VDAC1: variants seen among roughly 807,000 people sequenced by gnomAD.
VDAC1 encodes non-selective voltage-gated ion channel VDAC1.
Under a neutral mutation model 34.7 loss-of-function variants are expected in VDAC1, and 10 were observed. The ratio of observed to expected loss-of-function variants is 0.29; its 90% CI spans 0.18 to 0.49. The LOEUF is 0.49. VDAC1 is among the 20% of genes least tolerant of loss of function. The probability of loss-of-function intolerance (pLI) is 0.99; values close to 1 mark genes in which losing one functional copy is unlikely to be tolerated. For missense variants in VDAC1, 230 were observed against 347.9 expected, an observed-to-expected ratio of 0.66 and a Z score of 2.69; for synonymous variants, 130 against 136.0, an observed-to-expected ratio of 0.96 and a Z score of 0.30.
chr5:134,025,813 C>A, the VDAC1 span, among the ~76,000 whole-genome samples: 1 of 151,956 alleles, frequency 6.6e-6, no homozygotes, highest in Non-Finnish European at 1.5e-5. Flanking sequence ...CTAGGCTGGT[C>A]TTGAACTCCT....
At chr5:134,071,378 C>T in the VDAC1 span, among the ~76,000 whole-genome samples, 1 of 152,192 alleles carries the variant, frequency 6.6e-6, no homozygotes, top group East Asian at 1.9e-4. The surrounding 1 kb of genome is among the most constrained non-coding windows in gnomAD (Gnocchi z 4.1). Context: ...CCCCTTCCCC[C>T]CAACCCTGGG....
the VDAC1 span, among the ~76,000 whole-genome samples, chr5:134,023,887 C>T: frequency 1.3e-5 from 2 of 151,136 alleles, no homozygotes; most frequent in African/African-American, 2.4e-5. Context: ...AATCCCAGCA[C>T]TTTGGGAGGG....
the VDAC1 span, among the ~76,000 whole-genome samples, chr5:134,079,587 G>C: frequency 2.0e-5 from 3 of 152,222 alleles, no homozygotes; most frequent in African/African-American, 7.2e-5. Context: ...TCTGGGAGAA[G>C]TGGCATTTGT....
At chr5:133,999,449 T>C (rs1049937338) in intron 1 of VDAC1, among the ~76,000 whole-genome samples, 1 of 152,186 alleles carries the variant, frequency 6.6e-6, no homozygotes, top group African/African-American at 2.4e-5. Flanking sequence ...TCCAGATCCA[T>C]TCTCCTCCCT....
At chr5:134,089,113 A>G in the VDAC1 span, among the ~76,000 whole-genome samples, 22,264 of 152,226 alleles carry the variant, frequency 0.15, 2,477 homozygotes, top group African/African-American at 0.3. Context: ...CACAGGCTCT[A>G]GGGCTTTGCC....
chr5:134,090,824 T>A, the VDAC1 span, among the ~76,000 whole-genome samples: 1 of 152,194 alleles, frequency 6.6e-6, no homozygotes, highest in African/African-American at 2.4e-5. Context: ...AAGACACACT[T>A]ACAATAACAG....
chr5:133,975,674 G>C (rs949357497), intron 7 of VDAC1, among the ~76,000 whole-genome samples, 197 bp downstream of exon 7: 1 of 151,926 alleles, frequency 6.6e-6, no homozygotes, highest in African/African-American at 2.4e-5. Flanking sequence ...GGCGAGGCTG[G>C]TGTCAGACTC....
the VDAC1 span, among the ~76,000 whole-genome samples, chr5:134,061,977 T>A: frequency 3.3e-5 from 5 of 151,558 alleles, no homozygotes; most frequent in Admixed American, 6.6e-5. Context: ...TTTTTGGGTT[T>A]TTTTGGTTTT....
chr5:134,033,506 G>A, the VDAC1 span, among the ~76,000 whole-genome samples: 306 of 151,958 alleles, frequency 2.0e-3, 1 homozygote, highest in Middle Eastern at 0.01. Flanking sequence ...CGGCAGGCAG[G>A]TGCTTATAGA....
chr5:134,018,151 G>GCT, the VDAC1 span, among the ~76,000 whole-genome samples: 9 of 152,208 alleles, frequency 5.9e-5, no homozygotes, highest in Non-Finnish European at 1.0e-4. Flanking sequence ...CATCTGCTCG[G>GCT]CTTCTGGTGA....
At chr5:134,004,109 G>A (rs1156497683) in intron 1 of VDAC1, among the ~76,000 whole-genome samples, 1 of 152,214 alleles carries the variant, frequency 6.6e-6, no homozygotes, top group Non-Finnish European at 1.5e-5. Context: ...GCGGTGCCGG[G>A]CGCCAGCTTC....
At chr5:134,032,143 A>AAAAAAAAC in the VDAC1 span, among the ~76,000 whole-genome samples, 1 of 149,508 alleles carries the variant, frequency 6.7e-6, no homozygotes, top group East Asian at 2.0e-4. Flanking sequence ...AAAAAAAAAA[A>AAAAAAAAC]AGCTACTCTG....
chr5:134,030,825 C>CTGGT, the VDAC1 span, among the ~76,000 whole-genome samples: 1 of 152,082 alleles, frequency 6.6e-6, no homozygotes, highest in African/African-American at 2.4e-5. Context: ...GATGGTCAGG[C>CTGGT]TGGTCTTGAA....
chr5:134,051,550 T>A, the VDAC1 span, among the ~76,000 whole-genome samples: 13 of 152,188 alleles, frequency 8.5e-5, no homozygotes, highest in Admixed American at 3.3e-4. Context: ...CCTTGCTCAA[T>A]ACCTGGATGT....
At chr5:134,091,679 C>G in the VDAC1 span, among the ~76,000 whole-genome samples, 1 of 152,022 alleles carries the variant, frequency 6.6e-6, no homozygotes, top group African/African-American at 2.4e-5. Context: ...AAAACAGAGA[C>G]AGTGATAAAA....
intron 1 of VDAC1, among the ~76,000 whole-genome samples, chr5:134,001,348 C>T (rs1378749301): frequency 4.6e-5 from 7 of 152,166 alleles, no homozygotes; most frequent in African/African-American, 1.2e-4. Context: ...ACAGAACATT[C>T]GTTGAGCCCC....
chr5:134,050,374 C>T, the VDAC1 span, among the ~76,000 whole-genome samples: 2 of 152,198 alleles, frequency 1.3e-5, no homozygotes, highest in African/African-American at 4.8e-5. Context: ...AGTGGTTGTA[C>T]AGTTTGCTTT....
chr5:134,063,858 T>C, the VDAC1 span, among the ~76,000 whole-genome samples: 1 of 152,156 alleles, frequency 6.6e-6, no homozygotes, highest in Non-Finnish European at 1.5e-5. Flanking sequence ...TTTAGAGACA[T>C]GGTCTTTCTC....
At chr5:134,057,490 A>ATTTAT in the VDAC1 span, among the ~76,000 whole-genome samples, 28 of 83,914 alleles carry the variant, frequency 3.3e-4, no homozygotes, top group South Asian at 2.8e-3. Context: ...AAAAAAAAAA[A>ATTTAT]ATTTATATCT....
Sources: gnomAD v4.1 joint callset for allele counts (sites outside exome capture counted in the v4.1 genomes callset) on GRCh38, gnomAD v4.1.1 for gene constraint, Gnocchi (gnomAD v3.1) non-coding constraint, MANE v1.5 for transcripts, NCBI Gene and HGNC (gene_info 2026-07-23, HGNC 2026-07-21) for gene names.